Variants in FRMD4A observed in about 807,000 individuals in gnomAD.
FRMD4A encodes FERM domain-containing protein 4A.
In FRMD4A, 29 loss-of-function variants were observed where a neutral mutation model predicts 129.1. The ratio of observed to expected loss-of-function variants is 0.22; its 90% CI spans 0.17 to 0.31. FRMD4A has a LOEUF of 0.31. Ranked by LOEUF, FRMD4A falls within the 10% of genes least tolerant of loss-of-function variation. The pLI, the probability that FRMD4A is intolerant of heterozygous loss-of-function variation, is 1.00. For synonymous variants in FRMD4A, 634 were observed against 571.6 expected (o/e 1.11, Z -1.56); for missense variants, 1,272 against 1,375.8 (o/e 0.92, Z 1.19).
intron 2 of FRMD4A, among the ~76,000 whole-genome samples, chr10:14,304,129 A>G (rs1464898258): frequency 2.6e-5 from 4 of 152,204 alleles, no homozygotes; most frequent in Non-Finnish European, 5.9e-5. Context: ...CCTGCTTTCA[A>G]TTCTGCTGGA....
chr10:13,670,633 A>T (rs1456615588), intron 16 of FRMD4A, 105 bp from the exon 17 acceptor site: 33 of 1,073,950 alleles, frequency 3.1e-5, no homozygotes, highest in African/African-American at 4.7e-5. Flanking sequence ...AAATGCACGC[A>T]TGCACTTCGA....
At chr10:14,098,839 G>A (rs561737857) in intron 2 of FRMD4A, among the ~76,000 whole-genome samples, 2 of 152,306 alleles carry the variant, frequency 1.3e-5, no homozygotes, top group East Asian at 3.9e-4. Context: ...GACCTGTCCT[G>A]CTTTCCTGGC....
intron 2 of FRMD4A, among the ~76,000 whole-genome samples, chr10:13,977,964 G>A (rs1433246960): frequency 6.6e-6 from 1 of 152,202 alleles, no homozygotes; most frequent in African/African-American, 2.4e-5. Context: ...ACTTGTGTAA[G>A]CATTTTTGTG....
At chr10:13,973,111 T>G (rs757189914) in intron 2 of FRMD4A, among the ~76,000 whole-genome samples, 10 of 152,206 alleles carry the variant, frequency 6.6e-5, no homozygotes, top group Non-Finnish European at 1.3e-4. Context: ...ATGGAAATAA[T>G]ACCTACCTCA....
At chr10:13,873,439 G>T (rs148833580) in intron 2 of FRMD4A, among the ~76,000 whole-genome samples, 1 of 152,226 alleles carries the variant, frequency 6.6e-6, no homozygotes, top group Non-Finnish European at 1.5e-5. Context: ...AAGGAGACTA[G>T]ATTGTAGTAG....
intron 2 of FRMD4A, among the ~76,000 whole-genome samples, chr10:14,128,445 T>C (rs1839048944): frequency 6.6e-6 from 1 of 152,028 alleles, no homozygotes; most frequent in South Asian, 2.1e-4. Flanking sequence ...GTACACATGG[T>C]CTCCCCTTCC....
chr10:14,089,850 T>C (rs976547071), intron 2 of FRMD4A, among the ~76,000 whole-genome samples: 1 of 152,224 alleles, frequency 6.6e-6, no homozygotes, highest in Admixed American at 6.5e-5. Context: ...TTGTTTCCTC[T>C]GTCCTCTTTA....
rs867616863 is a variant in FRMD4A, at chr10:13,929,787, C to G, written c.46-70875G>C. Among the ~76,000 whole-genome samples, 3 of 152,278 alleles carry G rather than the reference C, an allele frequency of 2.0e-5. No homozygotes were observed. The South Asian group carries it at 6.2e-4, about 32-fold the overall frequency. ...TAGAGATGGGATCTGCGGTCAGAGTCTGTTGTGAGTTTGAATCTTAGCTGT... is the reference window on the plus strand; with the variant it reads ...TAGAGATGGGATCTGCGGTCAGAGTGTGTTGTGAGTTTGAATCTTAGCTGT... On this transcript the variant is annotated intron_variant, in intron 2 of 24. Coordinates refer to ENST00000357447, the MANE Select transcript of FRMD4A (RefSeq NM_018027.5).
intron 2 of FRMD4A, among the ~76,000 whole-genome samples, chr10:13,932,753 G>A (rs1030351207): frequency 1.3e-5 from 2 of 152,094 alleles, no homozygotes; most frequent in African/African-American, 4.8e-5. Flanking sequence ...AAAAGTAATT[G>A]ATTTTATTCA....
At chr10:13,894,575 T>C (rs1476977125) in intron 2 of FRMD4A, among the ~76,000 whole-genome samples, 2 of 152,174 alleles carry the variant, frequency 1.3e-5, no homozygotes, top group Non-Finnish European at 1.5e-5. Context: ...GCGGGTGGCT[T>C]CTCACTGCTC....
At chr10:14,198,214 T>TATCTGAC (rs1432051723) in intron 2 of FRMD4A, among the ~76,000 whole-genome samples, 2 of 152,172 alleles carry the variant, frequency 1.3e-5, no homozygotes, top group Non-Finnish European at 2.9e-5. Flanking sequence ...CAGATATAAC[T>TATCTGAC]AAGGAACAGA....
At chr10:13,865,935 G>A (rs888358699) in intron 2 of FRMD4A, among the ~76,000 whole-genome samples, 2 of 152,134 alleles carry the variant, frequency 1.3e-5, no homozygotes, top group African/African-American at 4.8e-5. Flanking sequence ...CGGTGAGGGA[G>A]GAGAGCTGTT....
At chr10:13,787,378 G>T (rs968112023) in intron 5 of FRMD4A, among the ~76,000 whole-genome samples, 1 of 152,212 alleles carries the variant, frequency 6.6e-6, no homozygotes, top group Non-Finnish European at 1.5e-5. Flanking sequence ...AGAGAGGCAT[G>T]GTGCACACCG....
intron 3 of FRMD4A, among the ~76,000 whole-genome samples, chr10:13,856,924 C>T (rs2094221619): frequency 1.3e-5 from 2 of 152,128 alleles, no homozygotes; most frequent in African/African-American, 4.8e-5. Context: ...ATGTAAAATA[C>T]ACCAGACCAC....
intron 12 of FRMD4A, among the ~76,000 whole-genome samples, chr10:13,715,921 A>G (rs1258371623): frequency 6.6e-6 from 1 of 151,486 alleles, no homozygotes; most frequent in Non-Finnish European, 1.5e-5. Flanking sequence ...AAAAAAAAAA[A>G]AAAGAAATGC....
intron 2 of FRMD4A, among the ~76,000 whole-genome samples, chr10:13,860,838 G>A (rs569543657): frequency 4.3e-4 from 65 of 152,170 alleles, no homozygotes; most frequent in African/African-American, 1.5e-3. Flanking sequence ...GGGTGCAGTG[G>A]TATGATCTTA....
chr10:13,864,552 A>T (rs2094339480), intron 2 of FRMD4A, among the ~76,000 whole-genome samples: 2 of 149,440 alleles, frequency 1.3e-5, no homozygotes, highest in African/African-American at 2.5e-5. Context: ...CCTTTGCAAA[A>T]TAATTTCTTC....
At chr10:13,963,862 T>C (rs1291085890) in intron 2 of FRMD4A, among the ~76,000 whole-genome samples, 1 of 152,140 alleles carries the variant, frequency 6.6e-6, no homozygotes, top group African/African-American at 2.4e-5. Flanking sequence ...TGTTAGAGCA[T>C]TAGGTTAGGA....
chr10:13,962,337 C>T (rs1344944102), intron 2 of FRMD4A, among the ~76,000 whole-genome samples: 1 of 152,166 alleles, frequency 6.6e-6, no homozygotes, highest in South Asian at 2.1e-4. Context: ...TACTTGCCCC[C>T]CAGGGGTATT....
Sources: allele counts gnomAD v4.1 joint callset (sites outside exome capture counted in the v4.1 genomes callset), GRCh38; gene constraint gnomAD v4.1.1; transcripts MANE v1.5; gene names NCBI Gene and HGNC (gene_info 2026-07-23, HGNC 2026-07-21).